Variants in ADA2 observed in about 807,000 individuals in gnomAD.
ADA2 encodes the protein adenosine deaminase 2, also known as adenosine deaminase CECR1.
A neutral mutation model predicts 44.2 loss-of-function variants in ADA2; 29 were observed. The observed-to-expected ratio is 0.66, with a 90% CI of 0.49 to 0.89. The LOEUF is 0.89. Among genes scored for constraint, ADA2 ranks in the 40% least tolerant of loss-of-function variants. The pLI, the probability that ADA2 is intolerant of heterozygous loss-of-function variation, is 0.00. For missense variants in ADA2, 637 were observed against 644.8 expected (o/e 0.99, Z 0.13); for synonymous variants, 215 against 234.9 (o/e 0.92, Z 0.77).
Position 17,209,505 on chromosome 22 carries a change from A to G in ADA2, c.173T>C (p.Leu58Pro), listed in dbSNP as rs1357528833. The G allele has an allele frequency of 1.9e-6, 3 of 1,614,120 alleles. No individual in the cohort carries two copies. In the South Asian group the frequency reaches 3.3e-5, roughly 18 times the overall value. The change falls in exon 2 of 10, where the codon CTG becomes CCG. Residue 58 changes from leucine to proline, a missense_variant. Coordinates refer to ENST00000399837, the MANE Select transcript of ADA2 (RefSeq NM_001282225.2). ...GRLVLNTKEE[L>P]ANERLMTLKI... ...GAGCGTCATGAGCCTCTCATTGGCC[A>G]GCTCCTCCTTGGTGTTCAGCACCAG...
At chr22:17,215,235 A>G (rs1233572451) in intron 1 of ADA2, among the ~76,000 whole-genome samples, 1 of 152,284 alleles carries the variant, frequency 6.6e-6, no homozygotes, top group Non-Finnish European at 1.5e-5. Flanking sequence ...ACAAGAAAGC[A>G]GAAGCCAGTT....
chr22:17,199,445 C>CACCCTCCCCACCTCTA, intron 4 of ADA2: 1 of 1,123,198 alleles, frequency 8.9e-7, no homozygotes, highest in Non-Finnish European at 1.4e-6. Context: ...TCCTCTTCCC[C>CACCCTCCCCACCTCTA]TCCACCCACG....
chr22:17,185,299 C>T (rs1050847735), intron 7 of ADA2, among the ~76,000 whole-genome samples: 3 of 151,320 alleles, frequency 2.0e-5, no homozygotes, highest in African/African-American at 7.3e-5. Flanking sequence ...CCGAGTAGTC[C>T]CAGCTACTCG....
intron 5 of ADA2, 123 bp downstream of exon 5, chr22:17,191,560 G>T: frequency 1.9e-6 from 2 of 1,071,894 alleles, no homozygotes; most frequent in South Asian, 1.4e-5. Flanking sequence ...ACAGCTCCTT[G>T]GCACCAGTGC....
intron 4 of ADA2, among the ~76,000 whole-genome samples, chr22:17,195,820 G>A (rs991387753): frequency 1.9e-4 from 28 of 150,706 alleles, no homozygotes; most frequent in East Asian, 1.4e-3. Flanking sequence ...GAGTGCAGTG[G>A]TGCGATCTCG....
At position 17,199,666 on chromosome 22, in the gene ADA2, C is replaced by A. The variant is rs192790764; in HGVS notation, c.753+3897G>T. The stretch of plus-strand genomic sequence containing the variant: ...CGTGGCTATTAGGACGCTCAGAGAG[C>A]CCAGCGCGGTGAGGAAAGCGACGAA... On this transcript the variant is annotated intron_variant, in intron 4 of 9. Coordinates refer to ENST00000399837, the MANE Select transcript of ADA2 (RefSeq NM_001282225.2). 20 of 1,608,010 alleles carry A rather than the reference C, an allele frequency of 1.2e-5. No individual in the cohort carries two copies. The African/African-American group carries it at 2.0e-4, about 16-fold the overall frequency.
intron 4 of ADA2, among the ~76,000 whole-genome samples, chr22:17,200,585 C>T (rs1410921355): frequency 6.6e-6 from 1 of 152,100 alleles, no homozygotes; most frequent in African/African-American, 2.4e-5. Flanking sequence ...GCTAAACTCA[C>T]CAAGGGTATT....
chr22:17,215,293 C>A (rs1453219653), intron 1 of ADA2, among the ~76,000 whole-genome samples: 1 of 152,176 alleles, frequency 6.6e-6, no homozygotes, highest in Non-Finnish European at 1.5e-5. Flanking sequence ...TGGAATACTA[C>A]TCAGCCATTA....
intron 4 of ADA2, among the ~76,000 whole-genome samples, chr22:17,193,654 C>T (rs544164285): frequency 9.7e-4 from 132 of 136,572 alleles, no homozygotes; most frequent in African/African-American, 3.2e-3. Context: ...GGTGACAGAG[C>T]GAGACTCCAC....
chr22:17,211,144 G>A (rs2062414565), intron 1 of ADA2, among the ~76,000 whole-genome samples: 1 of 151,938 alleles, frequency 6.6e-6, no homozygotes, highest in Non-Finnish European at 1.5e-5. Flanking sequence ...GGTGGATCAC[G>A]AGGTCAGGAG....
chr22:17,189,735 G>A, intron 6 of ADA2: 1 of 529,320 alleles, frequency 1.9e-6, no homozygotes. Flanking sequence ...CCCTTCTCCA[G>A]TGACAGCCGT....
intron 4 of ADA2, chr22:17,199,584 C>T (rs758138377): frequency 2.4e-5 from 38 of 1,614,138 alleles, no homozygotes; most frequent in Non-Finnish European, 3.1e-5. Context: ...TCCATCTCCC[C>T]TCCGGAAAAA....
chr22:17,181,882 C>G lies in ADA2; in HGVS notation c.1380G>C (p.Met460Ile), dbSNP rs779529433. The change falls in exon 9 of 10, where the codon ATG becomes ATC. Residue 460 changes from methionine (M) to isoleucine (I), a missense_variant. Met to Ile is a conservative substitution (Grantham distance 10). Transcript: ENST00000399837. The stretch of plus-strand genomic sequence containing the variant: ...GGTCAGCCTTCATCCCCCCAATGCC[C>G]ATGAAGACCTCATAGAAATCATAGG... ...GLSYDFYEVF[M>I]GIGGMKADLR... The G allele has an allele frequency of 7.4e-6, 12 of 1,614,016 alleles. No individual in the cohort carries two copies. The East Asian group carries it at 2.7e-4, about 36-fold the overall frequency.
intron 3 of ADA2, among the ~76,000 whole-genome samples, chr22:17,205,747 G>A: frequency 6.6e-6 from 1 of 152,216 alleles, no homozygotes. Flanking sequence ...GGGAGGCCAA[G>A]GTGAGAGGAC....
At chr22:17,216,489 G>T (rs77114083) in intron 1 of ADA2, among the ~76,000 whole-genome samples, 1 of 152,004 alleles carries the variant, frequency 6.6e-6, no homozygotes, top group African/African-American at 2.4e-5. Context: ...AACTAAGACC[G>T]GGCATGGTGG....
chr22:17,199,789 G>C, intron 4 of ADA2: 1 of 1,416,860 alleles, frequency 7.1e-7, no homozygotes, highest in Non-Finnish European at 9.2e-7. Flanking sequence ...ACATCAATAA[G>C]ATGAATTAAT....
rs1164210660 is a variant in ADA2 at position 17,206,560 on chromosome 22, A to G, written c.542+511T>C. ...AATGCTTTTTGTAGATTTTAAATGC[A>G]CCAGAAAAACTACTATGGATAGAAA... On this transcript the variant is annotated intron_variant, in intron 3 of 9. Transcript: ENST00000399837. 2.0e-5 allele frequency among the ~76,000 whole-genome samples: 3 copies of G among 152,214 alleles called. No homozygotes were observed. In the East Asian group the frequency reaches 5.8e-4, roughly 29 times the overall value.
intron 4 of ADA2, among the ~76,000 whole-genome samples, chr22:17,202,032 C>T (rs182740247): frequency 1.6e-4 from 22 of 134,166 alleles, no homozygotes; most frequent in South Asian, 7.0e-4. Context: ...AGAGCAATGG[C>T]GGTATCTCTG....
chr22:17,221,675 T>C (rs1272279843), upstream of ADA2: 1 of 151,534 alleles, frequency 6.6e-6, no homozygotes, highest in African/African-American at 2.4e-5. Flanking sequence ...TTCTGGGGAG[T>C]GGAGACTCAG....
Sources: gnomAD v4.1 joint callset for allele counts (sites outside exome capture counted in the v4.1 genomes callset) on GRCh38, gnomAD v4.1.1 for gene constraint, MANE v1.5 for transcripts, NCBI Gene and HGNC (gene_info 2026-07-23, HGNC 2026-07-21) for gene names.